GRIA1: variants seen among roughly 807,000 people sequenced by gnomAD.
The protein encoded by GRIA1 is glutamate ionotropic receptor AMPA type subunit 1.
In GRIA1, 31 loss-of-function variants were observed where a neutral mutation model predicts 99.2. That is an observed-to-expected ratio of 0.31 (90% confidence interval 0.23 to 0.42). GRIA1 has a LOEUF of 0.42. GRIA1 is among the 10% of genes least tolerant of loss of function. GRIA1 has a pLI of 1.00. For missense variants in GRIA1, 782 were observed against 1,157.5 expected (o/e 0.68, Z 4.71); for synonymous variants, 438 against 432.4 (o/e 1.01, Z -0.16).
intron 2 of GRIA1, among the ~76,000 whole-genome samples, chr5:153,523,095 TTATCA>T (rs1757301876): frequency 6.6e-6 from 1 of 151,848 alleles, no homozygotes; most frequent in Non-Finnish European, 1.5e-5. Context: ...GACCTCTCTC[TTATCA>T]TGTCATCTCT....
At chr5:153,656,437 A>C (rs935480345) in intron 5 of GRIA1, among the ~76,000 whole-genome samples, 1 of 135,736 alleles carries the variant, frequency 7.4e-6, no homozygotes, top group African/African-American at 2.8e-5. Flanking sequence ...ACTACAGATC[A>C]TTGTATTGAG....
chr5:153,778,488 C>A (rs1218799086), intron 13 of GRIA1, among the ~76,000 whole-genome samples: 1 of 152,018 alleles, frequency 6.6e-6, no homozygotes, highest in Admixed American at 6.6e-5. Context: ...CCTAACAACA[C>A]CGTGGAGGTA....
intron 2 of GRIA1, among the ~76,000 whole-genome samples, chr5:153,520,262 A>T (rs1168787051): frequency 6.6e-6 from 1 of 152,136 alleles, no homozygotes; most frequent in Non-Finnish European, 1.5e-5. Context: ...TAGCTTATAC[A>T]TCCTACAGAG....
At chr5:153,581,978 A>G (rs111637383) in intron 2 of GRIA1, among the ~76,000 whole-genome samples, 15,273 of 152,140 alleles carry the variant, frequency 0.1, 905 homozygotes, top group South Asian at 0.25. Flanking sequence ...GGCTGGTCTC[A>G]AACTCCTGGT....
intron 2 of GRIA1, among the ~76,000 whole-genome samples, chr5:153,527,846 T>C (rs1244332664): frequency 6.6e-6 from 1 of 152,268 alleles, no homozygotes; most frequent in Non-Finnish European, 1.5e-5. Flanking sequence ...CTCAGTTCTG[T>C]GAGCAATTGC....
chr5:153,685,402 G>A (rs1195950586), intron 7 of GRIA1, among the ~76,000 whole-genome samples: 2 of 152,200 alleles, frequency 1.3e-5, no homozygotes, highest in African/African-American at 2.4e-5. Flanking sequence ...GGCCATGAAA[G>A]TTTGATTTTG....
At chr5:153,578,206 GAA>G (rs1449030055) in intron 2 of GRIA1, among the ~76,000 whole-genome samples, 52 of 139,000 alleles carry the variant, frequency 3.7e-4, no homozygotes, top group Non-Finnish European at 6.3e-4. Context: ...AAGAAAAGGA[GAA>G]AGAAAACACG....
rs140674411 is a variant in GRIA1 at position 153,674,643 on chromosome 5, G to T, written c.843G>T (p.Val281=). The change falls in exon 6 of 16, where the codon GTG becomes GTT. Residue 281 remains valine, a synonymous_variant. Coordinates refer to ENST00000285900, the MANE Select transcript of GRIA1 (RefSeq NM_000827.4). ...KNSDARDHTR[V]DWKRPKYTSA... is the part of the protein sequence containing the mutation. ...GTGATGCTCGAGACCACACACGGGT[G>T]GACTGGAAGAGACCCAAGGTGAGTG... The T allele has an allele frequency of 4.3e-6, 7 of 1,613,942 alleles. No individual in the cohort carries two copies. The highest frequency in any genetic ancestry group is 5.1e-6 in the Non-Finnish European group (6 of 1,179,944).
At chr5:153,563,986 C>A (rs753953848) in intron 2 of GRIA1, among the ~76,000 whole-genome samples, 1 of 152,134 alleles carries the variant, frequency 6.6e-6, no homozygotes, top group Non-Finnish European at 1.5e-5. Flanking sequence ...GGGTTTTGAA[C>A]AATTAAGTTG....
At chr5:153,655,711 G>A in intron 4 of GRIA1, 108 bp from the exon 5 acceptor site, 1 of 847,354 alleles carries the variant, frequency 1.2e-6, no homozygotes, top group Middle Eastern at 2.2e-4. Context: ...CTAGTACTTA[G>A]GGTAGGGCAC....
chr5:153,616,865 C>T (rs1766555155), intron 2 of GRIA1, among the ~76,000 whole-genome samples: 1 of 152,178 alleles, frequency 6.6e-6, no homozygotes, highest in Non-Finnish European at 1.5e-5. Context: ...AAGTTATTCT[C>T]TCTTCACTTC....
intron 3 of GRIA1, among the ~76,000 whole-genome samples, chr5:153,648,723 C>A (rs982285735): frequency 1.3e-5 from 2 of 152,080 alleles, no homozygotes; most frequent in African/African-American, 4.8e-5. Flanking sequence ...GGCCAGATAC[C>A]ATATTGGTCA....
chr5:153,779,626 T>C (rs1185856423), intron 13 of GRIA1, among the ~76,000 whole-genome samples: 1 of 152,184 alleles, frequency 6.6e-6, no homozygotes, highest in Non-Finnish European at 1.5e-5. Flanking sequence ...AATGGCGCAA[T>C]CTCAGCTCAC....
intron 11 of GRIA1, among the ~76,000 whole-genome samples, chr5:153,708,462 TC>T (rs948666203): frequency 6.6e-6 from 1 of 152,226 alleles, no homozygotes; most frequent in African/African-American, 2.4e-5. Context: ...ATATCCAGCC[TC>T]CCTCCTCCCT....
At chr5:153,601,686 G>C (rs2149398464) in intron 2 of GRIA1, among the ~76,000 whole-genome samples, 1 of 152,372 alleles carries the variant, frequency 6.6e-6, no homozygotes, top group South Asian at 2.1e-4. Context: ...CCTGAAATGT[G>C]AGATGGGAGA....
At chr5:153,593,202 G>A (rs1301545629) in intron 2 of GRIA1, among the ~76,000 whole-genome samples, 4 of 152,196 alleles carry the variant, frequency 2.6e-5, no homozygotes, top group Admixed American at 2.6e-4. Context: ...GGAAGGTGGA[G>A]GATGCAGTAA....
intron 1 of GRIA1, chr5:153,492,105 A>G (rs1054661913): frequency 2.0e-5 from 28 of 1,416,940 alleles, no homozygotes; most frequent in Non-Finnish European, 2.5e-5. Flanking sequence ...AGATAGCTCC[A>G]CTAGGGAAAG....
intron 2 of GRIA1, among the ~76,000 whole-genome samples, chr5:153,642,814 A>G (rs1330144609): frequency 1.3e-5 from 2 of 152,150 alleles, no homozygotes; most frequent in African/African-American, 4.8e-5. Flanking sequence ...CCTACTTGTC[A>G]TATCTGACAA....
At chr5:153,689,329 G>C (rs1223507918) in intron 8 of GRIA1, among the ~76,000 whole-genome samples, 1 of 152,130 alleles carries the variant, frequency 6.6e-6, no homozygotes, top group Non-Finnish European at 1.5e-5. Context: ...CCATAGACCT[G>C]GGCTTTTCCT....
Sources: gnomAD v4.1 joint callset for allele counts (sites outside exome capture counted in the v4.1 genomes callset) on GRCh38, gnomAD v4.1.1 for gene constraint, MANE v1.5 for transcripts, NCBI Gene and HGNC (gene_info 2026-07-23, HGNC 2026-07-21) for gene names.